The following IFT80 variants were observed in gnomAD, a reference collection of about 807,000 sequenced individuals.
IFT80 encodes the protein intraflagellar transport 80.
A neutral mutation model predicts 107.9 loss-of-function variants in IFT80; 79 were observed. The observed-to-expected ratio is 0.73, with a 90% CI of 0.61 to 0.88. The LOEUF (loss-of-function observed/expected upper bound fraction) is 0.88, where lower values mean the gene tolerates loss of function less well. Among genes scored for constraint, IFT80 ranks in the 40% least tolerant of loss-of-function variants. The pLI is 0.00. For missense variants in IFT80, 797 were observed against 914.2 expected (o/e 0.87, Z 1.65); for synonymous variants, 299 against 300.9 (o/e 0.99, Z 0.07).
chr3:160,389,490 C>A (rs1417469716), intron 1 of IFT80, among the ~76,000 whole-genome samples: 3 of 117,616 alleles, frequency 2.6e-5, no homozygotes, highest in Admixed American at 1.0e-4. Flanking sequence ...CTCCCCCCAC[C>A]CCACAACAGT....
chr3:160,257,036 A>G lies in IFT80; in HGVS notation c.*1489T>C, dbSNP rs1712424978. 6.6e-6 allele frequency: 1 copy of G among 152,142 alleles called. No homozygotes were observed. The allele number at this position is 152,142 out of a possible 1,614,324, so 9.4% of individuals were successfully genotyped here. On this transcript the variant is annotated 3_prime_UTR_variant, in exon 20 of 20. Coordinates refer to ENST00000326448, the MANE Select transcript of IFT80 (RefSeq NM_020800.3). Reference sequence around the variant, plus strand: ...TTTTGCATTTATTGTGGTAAAATATACATAACATAAAACCTTTTAACCATT... The same window carrying G: ...TTTTGCATTTATTGTGGTAAAATATGCATAACATAAAACCTTTTAACCATT...
intron 12 of IFT80, among the ~76,000 whole-genome samples, chr3:160,292,672 G>T (rs1347867174): frequency 6.6e-6 from 1 of 152,002 alleles, no homozygotes; most frequent in Non-Finnish European, 1.5e-5. Flanking sequence ...TAGAGACGGG[G>T]TTTCACCATG....
At chr3:160,326,249 G>A (rs1237838528) in intron 8 of IFT80, among the ~76,000 whole-genome samples, 1 of 151,928 alleles carries the variant, frequency 6.6e-6, no homozygotes, top group East Asian at 1.9e-4. Flanking sequence ...GTCTTTAATA[G>A]TTACTAAAAT....
chr3:160,258,406 G>A lies in IFT80; in HGVS notation c.*119C>T, dbSNP rs998256356. 187 of 1,192,942 alleles carry A rather than the reference G, an allele frequency of 1.6e-4. 5 individuals carry two copies. In the South Asian group the frequency reaches 2.4e-3, roughly 15 times the overall value. 73.9% of individuals were successfully genotyped at this position (1,192,942 alleles called of 1,614,324 possible). On this transcript the variant is annotated 3_prime_UTR_variant, in exon 20 of 20. Transcript: ENST00000326448. ...CATGTACTTTTACACTAAATACACA[G>A]CAAGTACTTATACTCGGTTAAAGAT...
At chr3:160,396,697 C>A (rs1173162080) in intron 1 of IFT80, among the ~76,000 whole-genome samples, 1 of 152,142 alleles carries the variant, frequency 6.6e-6, no homozygotes, top group East Asian at 1.9e-4. Context: ...GCAATACTTT[C>A]CAAAATGACT....
intron 12 of IFT80, among the ~76,000 whole-genome samples, chr3:160,290,941 C>T (rs1236436339): frequency 1.3e-5 from 2 of 152,108 alleles, no homozygotes; most frequent in Non-Finnish European, 2.9e-5. Context: ...GACTGGAGAG[C>T]GTTTCCTCTA....
rs186322583 is a variant in IFT80 at position 160,308,010 on chromosome 3, T to C, written c.958-229A>G. On this transcript the variant is annotated intron_variant, in intron 9 of 19. Transcript: ENST00000326448. Reference sequence around the variant, plus strand: ...TCTTAGAAATAAGAAGAAAAAGACCTACTGAGATTTCTAACTTGCAAGCCA... The same window carrying C: ...TCTTAGAAATAAGAAGAAAAAGACCCACTGAGATTTCTAACTTGCAAGCCA... Among the ~76,000 whole-genome samples, 4 of 152,216 alleles carry C rather than the reference T, an allele frequency of 2.6e-5. No homozygotes were observed. In the East Asian group the frequency reaches 7.7e-4, roughly 29 times the overall value.
In IFT80 at chr3:160,357,512, C is replaced by A. The variant is rs1721180392; in HGVS notation, c.616G>T (p.Ala206Ser). 1 of 1,574,718 alleles carries A rather than the reference C, an allele frequency of 6.4e-7. No homozygotes were observed. The highest frequency in any genetic ancestry group is 1.1e-5 in the South Asian group (1 of 89,874). The change falls in exon 7 of 20, where the codon GCT (alanine) becomes TCT (serine). Residue 206 changes from alanine to serine, a missense_variant. Transcript: ENST00000326448. Reference sequence around the variant, plus strand: ...ACCTTATATTTACAGTCTTCACCAGCAGATAAAATAAGATCATTGACCGAG... The same window carrying A: ...ACCTTATATTTACAGTCTTCACCAGAAGATAAAATAAGATCATTGACCGAG... ...WNSVNDLILS[A>S]GEDCKYKVWD...
At chr3:160,290,500 A>G (rs1715470139) in intron 12 of IFT80, among the ~76,000 whole-genome samples, 1 of 152,030 alleles carries the variant, frequency 6.6e-6, no homozygotes, top group Non-Finnish European at 1.5e-5. Context: ...TGCAAGAGCT[A>G]ATGGGATTTA....
intron 9 of IFT80, among the ~76,000 whole-genome samples, chr3:160,312,210 C>T (rs1717324330): frequency 6.6e-6 from 1 of 152,104 alleles, no homozygotes; most frequent in Non-Finnish European, 1.5e-5. Context: ...ATGGTGCCCT[C>T]TGGAACTGAG....
intron 2 of IFT80, chr3:160,383,573 G>T: frequency 1.3e-6 from 1 of 791,082 alleles, no homozygotes; most frequent in Non-Finnish European, 1.5e-6. Context: ...TAGAAAAATT[G>T]GACATTATAA....
chr3:160,308,235 T>C (rs1716968795), intron 9 of IFT80, among the ~76,000 whole-genome samples: 1 of 151,798 alleles, frequency 6.6e-6, no homozygotes, highest in African/African-American at 2.4e-5. Context: ...AAATCAAAAG[T>C]GGGGTAGGAG....
chr3:160,299,237 T>A (rs942107900), intron 12 of IFT80: 33 of 1,132,700 alleles, frequency 2.9e-5, no homozygotes, highest in African/African-American at 9.9e-5. Context: ...GGAAGTCCTT[T>A]AAAAAAAAAT....
At chr3:160,347,545 C>G (rs1360574372) in intron 8 of IFT80, among the ~76,000 whole-genome samples, 3 of 152,118 alleles carry the variant, frequency 2.0e-5, no homozygotes, top group Non-Finnish European at 4.4e-5. Context: ...ACAAAATCAT[C>G]TAAAGAGGAA....
At chr3:160,343,406 A>G (rs1720061001) in intron 8 of IFT80, among the ~76,000 whole-genome samples, 1 of 152,202 alleles carries the variant, frequency 6.6e-6, no homozygotes, top group South Asian at 2.1e-4. Flanking sequence ...AGTACTTTGT[A>G]TATTTAGATC....
At chr3:160,298,249 C>T (rs1014038785) in intron 12 of IFT80, among the ~76,000 whole-genome samples, 4 of 152,192 alleles carry the variant, frequency 2.6e-5, no homozygotes, top group Admixed American at 2.6e-4. Flanking sequence ...GAGTTAAATA[C>T]GTTGGGTACT....
At chr3:160,377,634 G>A in intron 3 of IFT80, 94 bp from the exon 4 acceptor site, 2 of 647,910 alleles carry the variant, frequency 3.1e-6, no homozygotes, top group Admixed American at 2.7e-5. Context: ...AGGCATAAAG[G>A]CAAATATTAA....
intron 8 of IFT80, among the ~76,000 whole-genome samples, chr3:160,323,802 AC>A (rs1306594409): frequency 2.0e-5 from 3 of 152,122 alleles, no homozygotes; most frequent in Non-Finnish European, 4.4e-5. Flanking sequence ...GGAAATAGAG[AC>A]CAAAAAAAAC....
intron 8 of IFT80, among the ~76,000 whole-genome samples, chr3:160,337,156 TTA>T (rs200385019): frequency 0.013 from 1,924 of 152,330 alleles, 18 homozygotes; most frequent in Non-Finnish European, 0.02. Context: ...ATCCACCATT[TTA>T]TCTTAGTTCT....
Sources: allele counts gnomAD v4.1 joint callset (sites outside exome capture counted in the v4.1 genomes callset), GRCh38; gene constraint gnomAD v4.1.1; transcripts MANE v1.5; gene names NCBI Gene and HGNC (gene_info 2026-07-23, HGNC 2026-07-21).